The following BPHL variants were observed in gnomAD, a reference collection of about 807,000 sequenced individuals.
BPHL encodes the protein biphenyl hydrolase like, also known as serine hydrolase BPHL.
BPHL carries 27 observed loss-of-function variants against 31.2 expected under a neutral mutation model. The observed-to-expected ratio is 0.87, with a 90% CI of 0.64 to 1.19. The LOEUF is 1.19. BPHL is among the 50% of genes most tolerant of loss of function. BPHL has a pLI of 0.00. For missense variants in BPHL, 356 were observed against 375.7 expected (o/e 0.95, Z 0.43); for synonymous variants, 150 against 146.8 (o/e 1.02, Z -0.16).
intron 4 of BPHL, among the ~76,000 whole-genome samples, chr6:3,134,142 A>G (rs1378919648): frequency 6.6e-6 from 1 of 152,164 alleles, no homozygotes. Flanking sequence ...TTATTGGTGA[A>G]AAGTTTTTTG....
intron 6 of BPHL, among the ~76,000 whole-genome samples, chr6:3,148,393 C>T (rs1762435632): frequency 6.6e-6 from 1 of 152,362 alleles, no homozygotes; most frequent in South Asian, 2.1e-4. Context: ...GGAGCCTTAC[C>T]ACTAGGTGGA....
intron 4 of BPHL, among the ~76,000 whole-genome samples, chr6:3,132,024 C>T (rs1186379209): frequency 6.6e-6 from 1 of 152,222 alleles, no homozygotes; most frequent in African/African-American, 2.4e-5. Flanking sequence ...TCACTGTGTG[C>T]AGTTGCTCTG....
rs1288450969 is a variant in BPHL at position 3,146,606 on chromosome 6, G to A, written c.789-5882G>A. Among the ~76,000 whole-genome samples, 4 of 42,692 alleles carry A rather than the reference G, an allele frequency of 9.4e-5. No individual in the cohort carries two copies. In the Admixed American group the frequency reaches 1.2e-3, roughly 12 times the overall value. The allele number at this position is 42,692 out of a possible 152,430, so 28.0% of individuals were successfully genotyped here. ...TACTGGTTTGGGTTCGGGGTGGAGT[G>A]CTGGTTCAGGGTGGAGTGCTGGTTC... On this transcript the variant is annotated intron_variant, in intron 6 of 6. Coordinates refer to ENST00000380379, the MANE Select transcript of BPHL (RefSeq NM_004332.4).
intron 3 of BPHL, among the ~76,000 whole-genome samples, chr6:3,128,537 G>A (rs944941376): frequency 2.0e-5 from 3 of 151,946 alleles, no homozygotes; most frequent in Non-Finnish European, 4.4e-5. Flanking sequence ...TGATTCACCC[G>A]CGGACTCACA....
intron 4 of BPHL, among the ~76,000 whole-genome samples, chr6:3,136,203 C>T (rs2113761834): frequency 6.6e-6 from 1 of 152,354 alleles, no homozygotes; most frequent in African/African-American, 2.4e-5. Flanking sequence ...AAAGTAGAAG[C>T]ATGTGCAGGG....
At chr6:3,129,546 T>C (rs971187689) in intron 4 of BPHL, among the ~76,000 whole-genome samples, 6 of 152,150 alleles carry the variant, frequency 3.9e-5, no homozygotes, top group African/African-American at 1.4e-4. Flanking sequence ...CAGTGGCTCA[T>C]GCCTGTAATC....
chr6:3,147,404 G>T (rs939651591), intron 6 of BPHL, among the ~76,000 whole-genome samples: 7 of 152,282 alleles, frequency 4.6e-5, no homozygotes, highest in African/African-American at 1.7e-4. Context: ...GTTGCCATCT[G>T]TTCCAACTTT....
Position 3,136,788 on chromosome 6 carries a change from T to C in BPHL, c.533-574T>C, listed in dbSNP as rs935838940. Among the ~76,000 whole-genome samples the C allele has an allele frequency of 6.6e-5, 10 of 152,252 alleles. No individual in the cohort carries two copies. The South Asian group carries it at 1.7e-3, about 25-fold the overall frequency. ...GTTGATTCATGTTAATGGTTGTTTT[T>C]AGCTATTCTTCCCTACTAGTGAATC... On this transcript the variant is annotated intron_variant, in intron 4 of 6. Transcript: ENST00000380379.
In BPHL at chr6:3,125,698, T is replaced by A. The variant is rs995972143; in HGVS notation, c.212-1544T>A. ...CCAGGTCAGAGGCAGAAGAGAAGCC[T>A]CATGGGTCACAGCAGCAGATGTGGG... On this transcript the variant is annotated intron_variant, in intron 2 of 6. Coordinates refer to ENST00000380379, the MANE Select transcript of BPHL (RefSeq NM_004332.4). Among the ~76,000 whole-genome samples the A allele has an allele frequency of 2.6e-5, 4 of 152,172 alleles. No individual in the cohort carries two copies. The East Asian group carries it at 7.7e-4, about 29-fold the overall frequency.
At chr6:3,138,091 T>C in intron 5 of BPHL, 1 of 915,688 alleles carries the variant, frequency 1.1e-6, no homozygotes, top group Non-Finnish European at 1.5e-6. Flanking sequence ...TGATCTCAGC[T>C]CACTGCAATC....
At chr6:3,123,827 A>G in intron 2 of BPHL, 67 bp downstream of exon 2, 3 of 1,265,274 alleles carry the variant, frequency 2.4e-6, no homozygotes, top group Non-Finnish European at 3.4e-6. Flanking sequence ...ACAATACTAG[A>G]TGCCAAATAC....
At chr6:3,128,644 G>A (rs1024750827) in intron 3 of BPHL, among the ~76,000 whole-genome samples, 1 of 152,218 alleles carries the variant, frequency 6.6e-6, no homozygotes, top group African/African-American at 2.4e-5. Flanking sequence ...ATCCAGCAGA[G>A]CTCAGGGTCC....
chr6:3,126,565 C>T (rs1447951068), intron 2 of BPHL, among the ~76,000 whole-genome samples: 1 of 149,386 alleles, frequency 6.7e-6, no homozygotes, highest in Non-Finnish European at 1.5e-5. Context: ...CTGCACTCCG[C>T]CGGGAAAGGA....
At chr6:3,135,169 CTTCT>C (rs1761980075) in intron 4 of BPHL, among the ~76,000 whole-genome samples, 1 of 152,238 alleles carries the variant, frequency 6.6e-6, no homozygotes, top group African/African-American at 2.4e-5. Context: ...TTTATCTTCT[CTTCT>C]TCCTGAAGTT....
rs754914068 is a variant in BPHL, at chr6:3,123,732, C to T, written c.183C>T (p.His61=). ...ACCAGCAGACTGGAGAGGGAGATCA[C>T]GCAGTCCTGCTACTTCCTGGGATGT... ...LHYQQTGEGD[H]AVLLLPGMLG... The change falls in exon 2 of 7, where the codon CAC becomes CAT. Residue 61 remains histidine (H), a synonymous_variant. Transcript: ENST00000380379. 11 of 1,613,236 alleles carry T rather than the reference C, an allele frequency of 6.8e-6. No individual in the cohort carries two copies. The highest frequency in any genetic ancestry group is 1.7e-5 in the Admixed American group (1 of 59,892).
chr6:3,126,581 G>A (rs577776763), intron 2 of BPHL, among the ~76,000 whole-genome samples: 120 of 148,742 alleles, frequency 8.1e-4, no homozygotes, highest in Non-Finnish European at 1.3e-3. Flanking sequence ...AAGGAAGCGC[G>A]CCTCCTTTTT....
intron 1 of BPHL, 100 bp downstream of exon 1, chr6:3,118,947 C>A: frequency 9.8e-7 from 1 of 1,023,070 alleles, no homozygotes; most frequent in Non-Finnish European, 1.3e-6. Flanking sequence ...GGCGCGCGGG[C>A]ACGGGGCGTG....
chr6:3,136,206 G>A (rs1020356136), intron 4 of BPHL, among the ~76,000 whole-genome samples: 1 of 152,240 alleles, frequency 6.6e-6, no homozygotes, highest in Non-Finnish European at 1.5e-5. Flanking sequence ...GTAGAAGCAT[G>A]TGCAGGGACG....
chr6:3,150,505 C>A (rs550735951), intron 6 of BPHL, among the ~76,000 whole-genome samples: 1 of 152,226 alleles, frequency 6.6e-6, no homozygotes, highest in Admixed American at 6.5e-5. Context: ...CAGTGAGGAA[C>A]CTGCCCTGGC....
Sources: allele counts gnomAD v4.1 joint callset (sites outside exome capture counted in the v4.1 genomes callset), GRCh38; gene constraint gnomAD v4.1.1; transcripts MANE v1.5; gene names NCBI Gene and HGNC (gene_info 2026-07-23, HGNC 2026-07-21).